Variants in PRKCH observed in about 807,000 individuals in gnomAD.
The protein encoded by PRKCH is protein kinase C eta type.
A neutral mutation model predicts 82.5 loss-of-function variants in PRKCH; 28 were observed. That is an observed-to-expected ratio of 0.34 (90% CI 0.25 to 0.47). PRKCH has a LOEUF of 0.47. PRKCH is among the 20% of genes least tolerant of loss of function. The probability of loss-of-function intolerance (pLI) is 1.00; values close to 1 mark genes in which losing one functional copy is unlikely to be tolerated. For missense variants in PRKCH, 705 were observed against 881.8 expected (o/e 0.80, Z 2.54); for synonymous variants, 322 against 327.4 (o/e 0.98, Z 0.18).
intron 1 of PRKCH, among the ~76,000 whole-genome samples, chr14:61,255,155 C>T (rs960523645): frequency 3.9e-5 from 6 of 152,212 alleles, no homozygotes; most frequent in East Asian, 1.9e-4. Context: ...AGTTTCTCAA[C>T]GTTGTCCTCT....
At chr14:61,241,357 G>A (rs1384805434) in intron 1 of PRKCH, among the ~76,000 whole-genome samples, 3 of 152,122 alleles carry the variant, frequency 2.0e-5, no homozygotes, top group Admixed American at 6.5e-5. Context: ...CATTACATAG[G>A]CATGATTGAT....
At chr14:61,484,463 G>A (rs1426945384) in intron 9 of PRKCH, among the ~76,000 whole-genome samples, 1 of 151,810 alleles carries the variant, frequency 6.6e-6, no homozygotes, top group African/African-American at 2.4e-5. Flanking sequence ...TTATCTTAGA[G>A]GTGCTTGAAG....
chr14:61,286,967 A>G (rs1188069136), intron 1 of PRKCH, among the ~76,000 whole-genome samples: 3 of 151,984 alleles, frequency 2.0e-5, no homozygotes, highest in Non-Finnish European at 4.4e-5. Flanking sequence ...GCACTTTGGG[A>G]GGCCAAGGCG....
At chr14:61,356,207 G>A (rs922001895) in intron 1 of PRKCH, among the ~76,000 whole-genome samples, 1 of 152,178 alleles carries the variant, frequency 6.6e-6, no homozygotes, top group Non-Finnish European at 1.5e-5. Context: ...CAGGCTGCCT[G>A]GTCGAGTGCA....
chr14:61,215,171 A>C (rs569661988), intron 1 of PRKCH, among the ~76,000 whole-genome samples: 1 of 152,310 alleles, frequency 6.6e-6, no homozygotes, highest in African/African-American at 2.4e-5. Context: ...CTTTGCTCCA[A>C]CAACAGTCTA....
chr14:61,340,513 G>A (rs941088926), intron 1 of PRKCH, among the ~76,000 whole-genome samples: 10 of 152,114 alleles, frequency 6.6e-5, no homozygotes, highest in African/African-American at 2.4e-4. Context: ...TCTGTCTCTT[G>A]TCTTCCCCCC....
intron 1 of PRKCH, chr14:61,298,360 C>G (rs1013462383): frequency 6.6e-6 from 1 of 152,246 alleles, no homozygotes; most frequent in Non-Finnish European, 1.5e-5. Flanking sequence ...AGTGTTCCCT[C>G]TCTCAGGGAA....
At chr14:61,444,977 A>G (rs937329411) in intron 3 of PRKCH, among the ~76,000 whole-genome samples, 3 of 152,140 alleles carry the variant, frequency 2.0e-5, no homozygotes, top group Non-Finnish European at 2.9e-5. Flanking sequence ...GCTCTTAACC[A>G]TGTTATTTTG....
intron 1 of PRKCH, among the ~76,000 whole-genome samples, chr14:61,364,093 G>C (rs1012940216): frequency 3.3e-5 from 5 of 149,746 alleles, no homozygotes; most frequent in Non-Finnish European, 7.4e-5. Context: ...GGCTGGTTTT[G>C]AACTCCTGGC....
At chr14:61,396,806 T>G (rs577353945) in intron 2 of PRKCH, among the ~76,000 whole-genome samples, 1 of 152,100 alleles carries the variant, frequency 6.6e-6, no homozygotes, top group South Asian at 2.1e-4. Flanking sequence ...GATGGGGGGA[T>G]GTGGCCAGAG....
At chr14:61,538,276 G>A (rs1233952440) in intron 12 of PRKCH, among the ~76,000 whole-genome samples, 4 of 152,206 alleles carry the variant, frequency 2.6e-5, no homozygotes, top group African/African-American at 9.6e-5. Context: ...TGGAATACCT[G>A]TCTGAGGAAA....
chr14:61,419,423 T>C (rs1882719444), intron 2 of PRKCH, among the ~76,000 whole-genome samples: 1 of 152,216 alleles, frequency 6.6e-6, no homozygotes, highest in African/African-American at 2.4e-5. Flanking sequence ...CTGTTGTGTG[T>C]GTTGGAAGAT....
chr14:61,202,230 C>T (rs1432745942), intron 1 of PRKCH, among the ~76,000 whole-genome samples: 1 of 152,178 alleles, frequency 6.6e-6, no homozygotes, highest in Non-Finnish European at 1.5e-5. Context: ...CCACCCATCC[C>T]AAGGTTCAGC....
chr14:61,212,131 G>A (rs2044586559), intron 1 of PRKCH, among the ~76,000 whole-genome samples: 1 of 152,158 alleles, frequency 6.6e-6, no homozygotes, highest in African/African-American at 2.4e-5. Context: ...GCAAGCCTGT[G>A]GCTTTCAGGC....
intron 1 of PRKCH, among the ~76,000 whole-genome samples, chr14:61,244,671 TG>T (rs2044865635): frequency 6.6e-6 from 1 of 152,218 alleles, no homozygotes; most frequent in Non-Finnish European, 1.5e-5. Context: ...TAGTGGACTC[TG>T]GAGCCACAGT....
At chr14:61,495,073 C>T (rs1439367773) in intron 10 of PRKCH, among the ~76,000 whole-genome samples, 1 of 152,162 alleles carries the variant, frequency 6.6e-6, no homozygotes, top group Non-Finnish European at 1.5e-5. Flanking sequence ...TGAGTTTACG[C>T]CTTCTGGTAT....
chr14:61,224,604 T>G (rs1267108017), intron 1 of PRKCH, among the ~76,000 whole-genome samples: 1 of 152,182 alleles, frequency 6.6e-6, no homozygotes, highest in East Asian at 1.9e-4. Flanking sequence ...GATTTTCTCA[T>G]GATGAGACTG....
intron 10 of PRKCH, among the ~76,000 whole-genome samples, chr14:61,493,092 A>G (rs968028740): frequency 6.6e-6 from 1 of 152,338 alleles, no homozygotes; most frequent in East Asian, 1.9e-4. Context: ...AGTATTAAGC[A>G]CTTACTGTTC....
chr14:61,509,680 T>C (rs1269098361), intron 10 of PRKCH, among the ~76,000 whole-genome samples: 1 of 151,882 alleles, frequency 6.6e-6, no homozygotes, highest in Non-Finnish European at 1.5e-5. Context: ...AGGTCAGGAG[T>C]TCGAAACCAG....
Sources: gnomAD v4.1 joint callset for allele counts (sites outside exome capture counted in the v4.1 genomes callset) on GRCh38, gnomAD v4.1.1 for gene constraint, MANE v1.5 for transcripts, NCBI Gene and HGNC (gene_info 2026-07-23, HGNC 2026-07-21) for gene names.